The following IL17RA variants were observed in gnomAD, a reference collection of about 807,000 sequenced individuals.
IL17RA encodes interleukin-17 receptor A.
Under a neutral mutation model 50.4 loss-of-function variants are expected in IL17RA, and 34 were observed. The observed-to-expected ratio is 0.67, with a 90% CI of 0.51 to 0.90. IL17RA has a LOEUF of 0.90. Among genes scored for constraint, IL17RA ranks in the 40% least tolerant of loss-of-function variants. IL17RA has a pLI of 0.00. For missense variants in IL17RA, 1,276 were observed against 1,169.8 expected (o/e 1.09, Z -1.32); for synonymous variants, 585 against 510.4 (o/e 1.15, Z -1.97).
At chr22:17,094,481 C>T (rs1276440204) in intron 1 of IL17RA, among the ~76,000 whole-genome samples, 1 of 150,966 alleles carries the variant, frequency 6.6e-6, no homozygotes, top group African/African-American at 2.4e-5. Context: ...GCGCTATTAC[C>T]TCTAATAGAA....
intron 2 of IL17RA, 54 bp from the exon 3 acceptor site, chr22:17,097,743 C>T: frequency 1.2e-6 from 2 of 1,608,926 alleles, no homozygotes; most frequent in South Asian, 1.1e-5. Flanking sequence ...GCTGCTGGGG[C>T]ATCTCAGGGT....
In IL17RA at chr22:17,111,951, A is replaced by C. The variant is rs565091811; in HGVS notation, c.*2131A>C. On this transcript the variant is annotated 3_prime_UTR_variant, in exon 13 of 13. Transcript: ENST00000319363. ...TATGGCCCATAATCCACCCAACAGC[A>C]GCAAAGGACCAGGCAAAGGAGAACA... 3 of 152,260 alleles carry C rather than the reference A, an allele frequency of 2.0e-5. No homozygotes were observed. The South Asian group carries it at 6.2e-4, about 32-fold the overall frequency. The allele number at this position is 152,260 out of a possible 1,614,324, so 9.4% of individuals were successfully genotyped here.
At chr22:17,085,258 G>A in intron 1 of IL17RA, 29 bp downstream of exon 1, 2 of 1,536,528 alleles carry the variant, frequency 1.3e-6, no homozygotes, top group African/African-American at 1.4e-5. Context: ...AGCGGTAGCC[G>A]CCAGGATGCT....
intron 3 of IL17RA, among the ~76,000 whole-genome samples, 160 bp downstream of exon 3, chr22:17,098,103 A>G (rs1013511403): frequency 2.6e-5 from 4 of 152,236 alleles, no homozygotes; most frequent in Non-Finnish European, 4.4e-5. Context: ...ATACTTGTTC[A>G]GCATTTTAGA....
chr22:17,089,728 C>T (rs2061341034), intron 1 of IL17RA, among the ~76,000 whole-genome samples: 1 of 152,052 alleles, frequency 6.6e-6, no homozygotes. Flanking sequence ...CAAAAATTAG[C>T]CAGGTGTGGT....
In IL17RA at chr22:17,107,775, A is replaced by G; in HGVS notation, c.1087+7A>G. On this transcript the variant is annotated splice_region_variant and intron_variant, in intron 12 of 12. Coordinates refer to ENST00000319363, the MANE Select transcript of IL17RA (RefSeq NM_014339.7). ...GATGACACCAAATACACCGGTCAGT[A>G]TTTCCTGGTTTGCATGTTTGCTTAT... 2 of 1,613,168 alleles carry G rather than the reference A, an allele frequency of 1.2e-6. No individual in the cohort carries two copies. The highest frequency in any genetic ancestry group is 1.7e-5 in the Admixed American group (1 of 60,024).
chr22:17,087,325 C>T (rs1330747378), intron 1 of IL17RA, among the ~76,000 whole-genome samples: 1 of 152,188 alleles, frequency 6.6e-6, no homozygotes, highest in African/African-American at 2.4e-5. Flanking sequence ...CCTGGGTTCC[C>T]TCATTTCCAC....
intron 1 of IL17RA, among the ~76,000 whole-genome samples, chr22:17,095,992 G>C (rs1407526394): frequency 2.0e-5 from 3 of 152,194 alleles, no homozygotes; most frequent in Admixed American, 1.3e-4. Context: ...TCAAGAGAGA[G>C]GAGGGTGTCA....
At position 17,085,173 on chromosome 22, in the gene IL17RA, C is replaced by A. The variant is rs993343144; in HGVS notation, c.82C>A (p.Pro28Thr). 5 of 1,525,248 alleles carry A rather than the reference C, an allele frequency of 3.3e-6. No homozygotes were observed. The highest frequency in any genetic ancestry group is 4.4e-6 in the Non-Finnish European group (5 of 1,141,844). The allele number at this position is 1,525,248 out of a possible 1,614,324, so 94.5% of individuals were successfully genotyped here. A position where few individuals can be genotyped will look rare whatever the true frequency, so the allele number is the denominator to read the frequency against. The part of the protein sequence containing the change: ...LLLLLLGVLA[P>T]GGASLRLLDH... ...CCTGCTGCTCCTGGGCGTGCTGGCC[C>A]CGGGTGGCGCCTCCCTGCGACTCCT... Residue 28 changes from proline to threonine, a missense_variant, in exon 1 of 13, where the codon CCG becomes ACG. Coordinates refer to ENST00000319363, the MANE Select transcript of IL17RA (RefSeq NM_014339.7).
Position 17,109,948 on chromosome 22 carries a change from T to C in IL17RA, c.*128T>C. The C allele has an allele frequency of 1.1e-6, 1 of 952,292 alleles. No homozygotes were observed. The highest frequency in any genetic ancestry group is 1.6e-6 in the Non-Finnish European group (1 of 645,142). 59.0% of individuals were successfully genotyped at this position (952,292 alleles called of 1,614,324 possible). A position where few individuals can be genotyped will look rare whatever the true frequency, so the allele number is the denominator to read the frequency against. On this transcript the variant is annotated 3_prime_UTR_variant, in exon 13 of 13. Coordinates refer to ENST00000319363, the MANE Select transcript of IL17RA (RefSeq NM_014339.7). ...TGAAATGTAGGCTTTAAAATGTAAA[T>C]GTCTGGATTTTAATCCCAGGCATCC...
intron 1 of IL17RA, among the ~76,000 whole-genome samples, chr22:17,089,463 A>G (rs1481085733): frequency 6.6e-6 from 1 of 152,186 alleles, no homozygotes; most frequent in Non-Finnish European, 1.5e-5. Context: ...AGAGGAGCTC[A>G]ATAAACATCA....
Position 17,114,748 on chromosome 22 carries a change from G to A in IL17RA, c.*4928G>A, listed in dbSNP as rs540680577. On this transcript the variant is annotated 3_prime_UTR_variant, in exon 13 of 13. Transcript: ENST00000319363. ...TTGCTAGAATGGCTGAGCTTTCATG[G>A]AAAGGAAGCTGGACCCAAGCAACAG... 4.6e-5 allele frequency: 7 copies of A among 152,340 alleles called. No individual in the cohort carries two copies. In the South Asian group the frequency reaches 1.4e-3, roughly 32 times the overall value. 9.4% of individuals were successfully genotyped at this position (152,340 alleles called of 1,614,324 possible). A position where few individuals can be genotyped will look rare whatever the true frequency, so the allele number is the denominator to read the frequency against.
intron 1 of IL17RA, among the ~76,000 whole-genome samples, chr22:17,089,203 G>A (rs2061339351): frequency 6.6e-6 from 1 of 152,198 alleles, no homozygotes. Flanking sequence ...GATTACAGGT[G>A]TGAGCAACCA....
intron 1 of IL17RA, among the ~76,000 whole-genome samples, chr22:17,088,290 T>C (rs2061335301): frequency 6.6e-6 from 1 of 152,194 alleles, no homozygotes; most frequent in Non-Finnish European, 1.5e-5. Flanking sequence ...TAGAGAATAG[T>C]GGCCTATTGG....
chr22:17,099,614 G>C (rs1272960224), intron 4 of IL17RA, among the ~76,000 whole-genome samples: 1 of 152,076 alleles, frequency 6.6e-6, no homozygotes, highest in African/African-American at 2.4e-5. Context: ...AAACAAGTTA[G>C]ATCTCCCACA....
chr22:17,099,358 A>G (rs2061381462), intron 4 of IL17RA, among the ~76,000 whole-genome samples: 1 of 152,176 alleles, frequency 6.6e-6, no homozygotes, highest in East Asian at 1.9e-4. Flanking sequence ...TGCTGCTCAC[A>G]GCTAAATGGT....
chr22:17,108,951 C>T lies in IL17RA; in HGVS notation c.1732C>T (p.Gln578Ter). Residue 578 changes from glutamine to a stop codon, truncating the protein, a stop_gained, in exon 13 of 13, where the codon CAG becomes TAG. Transcript: ENST00000319363. LOFTEE classifies it low-confidence loss of function (END_TRUNC). Reference sequence around the variant, plus strand: ...CGCCCTGGACAGGTTCCGGGACTGGCAGGTCCGCTGTCCCGACTGGTTCGA... The same window carrying T: ...CGCCCTGGACAGGTTCCGGGACTGGTAGGTCCGCTGTCCCGACTGGTTCGA... ...RAALDRFRDW[Q>*]VRCPDWFECE... 1 of 1,609,074 alleles carries T rather than the reference C, an allele frequency of 6.2e-7. No individual in the cohort carries two copies. Among genetic ancestry groups the T allele is most frequent in the Non-Finnish European group, 8.5e-7 (1 of 1,179,164 alleles).
In IL17RA at chr22:17,110,732, C is replaced by G; in HGVS notation, c.*912C>G. On this transcript the variant is annotated 3_prime_UTR_variant, in exon 13 of 13. Coordinates refer to ENST00000319363, the MANE Select transcript of IL17RA (RefSeq NM_014339.7). ...GTCCCAGCTACTCGGGAGGCTGATGCCAGATGATCACTTGAGCCCAGGAGG... is the reference window on the plus strand; with the variant it reads ...GTCCCAGCTACTCGGGAGGCTGATGGCAGATGATCACTTGAGCCCAGGAGG... The G allele has an allele frequency of 6.6e-6, 1 of 152,262 alleles. No homozygotes were observed. Among genetic ancestry groups the G allele is most frequent in the Non-Finnish European group, 1.5e-5 (1 of 68,144 alleles). 9.4% of individuals were successfully genotyped at this position (152,262 alleles called of 1,614,324 possible).
chr22:17,098,884 G>A lies in IL17RA; in HGVS notation c.420G>A (p.Arg140=). 6.2e-7 allele frequency: 1 copy of A among 1,613,370 alleles called. No individual in the cohort carries two copies. Among genetic ancestry groups the A allele is most frequent in the Non-Finnish European group, 8.5e-7 (1 of 1,179,274 alleles). ...EFLSKLRHHH[R]RWRFTFSHFV... is the part of the protein sequence containing the mutation. ...TGTCCAAACTGAGGCATCACCACAGGCGGGTAAGAACACAGCTCCTGAGTG... is the reference window on the plus strand; with the variant it reads ...TGTCCAAACTGAGGCATCACCACAGACGGGTAAGAACACAGCTCCTGAGTG... Residue 140 remains arginine, a synonymous_variant, in exon 4 of 13, where the codon AGG becomes AGA. Transcript: ENST00000319363.
Sources: allele counts gnomAD v4.1 joint callset (sites outside exome capture counted in the v4.1 genomes callset), GRCh38; gene constraint gnomAD v4.1.1; transcripts MANE v1.5; gene names NCBI Gene and HGNC (gene_info 2026-07-23, HGNC 2026-07-21).